COLEC12: variants seen among roughly 807,000 people sequenced by gnomAD.
COLEC12 encodes collectin subfamily member 12, also known as collectin-12.
In COLEC12, 33 loss-of-function variants were observed where a neutral mutation model predicts 71.1. The ratio of observed to expected loss-of-function variants is 0.46; its 90% confidence interval spans 0.35 to 0.62. The LOEUF (loss-of-function observed/expected upper bound fraction) is 0.62. Among genes scored for constraint, COLEC12 ranks in the 20% least tolerant of loss-of-function variants. COLEC12 has a pLI of 0.00. For synonymous variants in COLEC12, 350 were observed against 353.0 expected, an observed-to-expected ratio of 0.99 and a Z score of 0.10; for missense variants, 765 against 916.1, an observed-to-expected ratio of 0.84 and a Z score of 2.13.
At chr18:472,666 G>A (rs1218383409) in intron 2 of COLEC12, among the ~76,000 whole-genome samples, 1 of 117,896 alleles carries the variant, frequency 8.5e-6, no homozygotes, top group Non-Finnish European at 1.7e-5. Context: ...GTGACAGAGT[G>A]AGGCCCTGTG....
At chr18:386,078 G>C (rs529407415) in intron 2 of COLEC12, among the ~76,000 whole-genome samples, 3 of 150,574 alleles carry the variant, frequency 2.0e-5, no homozygotes, top group African/African-American at 4.9e-5. Context: ...GAAAAGTTAG[G>C]ATTATCAGGG....
At chr18:329,963 G>C (rs1245504871) in intron 8 of COLEC12, among the ~76,000 whole-genome samples, 1 of 152,120 alleles carries the variant, frequency 6.6e-6, no homozygotes, top group African/African-American at 2.4e-5. Context: ...TGTGATTCCA[G>C]GGACTTGGGA....
At chr18:324,254 A>C (rs1293936556) in intron 8 of COLEC12, among the ~76,000 whole-genome samples, 1 of 152,204 alleles carries the variant, frequency 6.6e-6, no homozygotes, top group Non-Finnish European at 1.5e-5. Context: ...AATAAGCAAA[A>C]TGTATATATT....
chr18:322,015 C>T (rs756667998), intron 8 of COLEC12, among the ~76,000 whole-genome samples: 5 of 152,210 alleles, frequency 3.3e-5, no homozygotes, highest in Non-Finnish European at 2.9e-5. Flanking sequence ...TCTCCCTGCG[C>T]GCTTGTGATC....
At chr18:491,879 A>G (rs1567924792) in intron 1 of COLEC12, among the ~76,000 whole-genome samples, 1 of 152,208 alleles carries the variant, frequency 6.6e-6, no homozygotes. Context: ...CCCTGGTTTT[A>G]TAGCTTTACA....
intron 2 of COLEC12, among the ~76,000 whole-genome samples, chr18:406,675 C>A (rs1915797319): frequency 6.6e-6 from 1 of 152,236 alleles, no homozygotes; most frequent in Non-Finnish European, 1.5e-5. Context: ...GATCCAAGAA[C>A]CTTCTCTCAG....
At chr18:321,990 AT>A (rs1389926452) in intron 8 of COLEC12, among the ~76,000 whole-genome samples, 183 bp from the exon 9 acceptor site, 1 of 152,202 alleles carries the variant, frequency 6.6e-6, no homozygotes, top group Non-Finnish European at 1.5e-5. Flanking sequence ...TTGCAGAGTA[AT>A]GCATAATGCG....
At chr18:334,663 G>T in intron 6 of COLEC12, 79 bp downstream of exon 6, 2 of 1,252,456 alleles carry the variant, frequency 1.6e-6, no homozygotes, top group Non-Finnish European at 2.1e-6. Flanking sequence ...CATGGGTGGG[G>T]CCACACACTG....
At chr18:411,532 T>C (rs979424358) in intron 2 of COLEC12, among the ~76,000 whole-genome samples, 9 of 151,976 alleles carry the variant, frequency 5.9e-5, no homozygotes, top group African/African-American at 1.5e-4. Context: ...AGAGAAGAAA[T>C]AGATGACCTA....
intron 3 of COLEC12, among the ~76,000 whole-genome samples, chr18:349,474 G>A (rs1393139331): frequency 6.6e-6 from 1 of 152,248 alleles, no homozygotes; most frequent in Non-Finnish European, 1.5e-5. Context: ...AAGAACCTCT[G>A]CTAGGGCAGT....
chr18:356,138 T>C (rs1914624605), intron 3 of COLEC12, among the ~76,000 whole-genome samples: 1 of 152,220 alleles, frequency 6.6e-6, no homozygotes, highest in Admixed American at 6.5e-5. Flanking sequence ...CTGTGTAATG[T>C]GGCTAGGAAG....
intron 2 of COLEC12, among the ~76,000 whole-genome samples, chr18:368,835 C>G (rs145021377): frequency 5.7e-4 from 87 of 152,310 alleles, no homozygotes; most frequent in African/African-American, 2.0e-3. Context: ...CACTGCACTC[C>G]AGCCTGGGCA....
chr18:411,665 G>A (rs1915895597), intron 2 of COLEC12, among the ~76,000 whole-genome samples: 1 of 152,188 alleles, frequency 6.6e-6, no homozygotes, highest in Admixed American at 6.5e-5. Flanking sequence ...AGCACTCTGG[G>A]AAACCAAGAT....
chr18:343,537 T>C (rs1914304303), intron 5 of COLEC12, among the ~76,000 whole-genome samples: 1 of 151,886 alleles, frequency 6.6e-6, no homozygotes, highest in Non-Finnish European at 1.5e-5. Flanking sequence ...AGAGTGACCT[T>C]GTGAAAATAT....
rs1356868088 is a variant in COLEC12 at position 321,601 on chromosome 18, C to T, written c.2209+61G>A. 9 of 1,591,556 alleles carry T rather than the reference C, an allele frequency of 5.7e-6. No homozygotes were observed. The Admixed American group carries it at 6.7e-5, about 12-fold the overall frequency. ...CATTCAGGGCCCTTGTACTCACCAC[C>T]CCTCACCCTTTCATAGGACATAAGC... is the stretch of plus-strand genomic sequence containing the variant. On this transcript the variant is annotated intron_variant, in intron 9 of 9. Coordinates refer to ENST00000400256, the MANE Select transcript of COLEC12 (RefSeq NM_130386.3).
intron 2 of COLEC12, among the ~76,000 whole-genome samples, chr18:407,214 A>G (rs930289812): frequency 5.3e-5 from 8 of 152,240 alleles, no homozygotes; most frequent in Admixed American, 2.6e-4. Context: ...TAGGGATATA[A>G]AATATGAAAA....
At chr18:452,796 T>C (rs1330234802) in intron 2 of COLEC12, among the ~76,000 whole-genome samples, 1 of 152,246 alleles carries the variant, frequency 6.6e-6, no homozygotes. Context: ...GAACTTCACA[T>C]CTGTTCTTCC....
chr18:486,453 G>A (rs1349403317), intron 1 of COLEC12, among the ~76,000 whole-genome samples: 1 of 152,212 alleles, frequency 6.6e-6, no homozygotes, highest in African/African-American at 2.4e-5. Flanking sequence ...CCAAAGTGCT[G>A]GGATTACAGG....
intron 8 of COLEC12, among the ~76,000 whole-genome samples, chr18:326,056 G>C (rs1913835125): frequency 6.6e-6 from 1 of 152,174 alleles, no homozygotes; most frequent in Admixed American, 6.5e-5. Context: ...CCCTGGTAAA[G>C]TGGAAGCTTA....
Sources: allele counts gnomAD v4.1 joint callset (sites outside exome capture counted in the v4.1 genomes callset), GRCh38; gene constraint gnomAD v4.1.1; transcripts MANE v1.5; gene names NCBI Gene and HGNC (gene_info 2026-07-23, HGNC 2026-07-21).